ESR1: variants seen among roughly 807,000 people sequenced by gnomAD.
ESR1 encodes estrogen receptor.
In ESR1, 12 loss-of-function variants were observed where a neutral mutation model predicts 52.7. The observed-to-expected ratio is 0.23, with a 90% CI of 0.15 to 0.37. ESR1 has a LOEUF of 0.37. ESR1 is among the 10% of genes least tolerant of loss of function. ESR1 has a pLI of 1.00. For missense variants in ESR1, 584 were observed against 779.7 expected, an observed-to-expected ratio of 0.75 and a Z score of 2.99; for synonymous variants, 305 against 316.8, an observed-to-expected ratio of 0.96 and a Z score of 0.39.
intron 1 of ESR1, among the ~76,000 whole-genome samples, chr6:151,815,594 T>A (rs1779492472): frequency 6.6e-6 from 1 of 152,198 alleles, no homozygotes; most frequent in Admixed American, 6.5e-5. Context: ...AGTTTGTGAA[T>A]CTCTCTTTCT....
intron 6 of ESR1, among the ~76,000 whole-genome samples, chr6:152,067,690 G>A (rs1195907400): frequency 6.6e-6 from 1 of 152,132 alleles, no homozygotes; most frequent in Non-Finnish European, 1.5e-5. Context: ...AGCTGGGCAC[G>A]GTGGCGGGCA....
chr6:152,125,087 A>C (rs960618467), intron 6 of ESR1, among the ~76,000 whole-genome samples: 3 of 152,226 alleles, frequency 2.0e-5, no homozygotes, highest in Non-Finnish European at 4.4e-5. Context: ...TAACTACCAG[A>C]ACCTGGAGAC....
At chr6:152,018,767 C>G (rs1424025896) in intron 5 of ESR1, among the ~76,000 whole-genome samples, 1 of 151,868 alleles carries the variant, frequency 6.6e-6, no homozygotes, top group Non-Finnish European at 1.5e-5. Flanking sequence ...CCTCTTGTCT[C>G]CATTCATACC....
chr6:152,036,726 G>T (rs988270707), intron 5 of ESR1, among the ~76,000 whole-genome samples: 15 of 152,160 alleles, frequency 9.9e-5, no homozygotes, highest in African/African-American at 3.6e-4. Context: ...AATAGAGGTT[G>T]GTGGAGTTTT....
intron 3 of ESR1, among the ~76,000 whole-genome samples, chr6:151,929,529 A>G (rs1285277341): frequency 6.6e-6 from 1 of 152,214 alleles, no homozygotes; most frequent in African/African-American, 2.4e-5. Flanking sequence ...AACCTAGATG[A>G]CAGGTTAATA....
At position 151,768,131 on chromosome 6, in the gene ESR1, A is replaced by G. The variant is rs571668031; in HGVS notation, c.-70-39712A>G. Among the ~76,000 whole-genome samples, 3 of 152,358 alleles carry G rather than the reference A, an allele frequency of 2.0e-5. No individual in the cohort carries two copies. The East Asian group carries it at 5.8e-4, about 29-fold the overall frequency. ...TTTTAAAGTCTCCAAGTACCTCCAC[A>G]TAGGATACTTATTAATTGCAAAGGG... On this transcript the variant is annotated intron_variant, in intron 2 of 2. Coordinates refer to the ESR1 transcript ENST00000404742.
chr6:151,886,536 A>G (rs1377676673), intron 3 of ESR1, among the ~76,000 whole-genome samples: 1 of 152,232 alleles, frequency 6.6e-6, no homozygotes, highest in Admixed American at 6.5e-5. Context: ...TGAGAAAATA[A>G]CATACTACTA....
intron 1 of ESR1, among the ~76,000 whole-genome samples, chr6:151,817,016 A>T (rs1034345925): frequency 1.3e-5 from 2 of 152,234 alleles, no homozygotes; most frequent in Non-Finnish European, 2.9e-5. Context: ...TAAGCAGCTT[A>T]TGGAGAAGCT....
At chr6:151,956,843 A>AAATAT (rs1554293624) in intron 4 of ESR1, among the ~76,000 whole-genome samples, 2 of 44,466 alleles carry the variant, frequency 4.5e-5, no homozygotes, top group African/African-American at 1.5e-4. Flanking sequence ...AATATAAATA[A>AAATAT]ATATATATAT....
At chr6:152,116,483 A>G (rs971473821) in intron 6 of ESR1, among the ~76,000 whole-genome samples, 1 of 152,366 alleles carries the variant, frequency 6.6e-6, no homozygotes, top group African/African-American at 2.4e-5. Flanking sequence ...TGTTTGCATA[A>G]GAAAATCAAA....
At position 151,842,782 on chromosome 6, in the gene ESR1, T is replaced by G. The variant is rs759101568; in HGVS notation, c.638T>G (p.Ile213Ser). The G allele has an allele frequency of 6.2e-7, 1 of 1,613,744 alleles. No individual in the cohort carries two copies. Among genetic ancestry groups the G allele is most frequent in the Non-Finnish European group, 8.5e-7 (1 of 1,179,730 alleles). ...TGCAAGGCCTTCTTCAAGAGAAGTA[T>G]TCAAGGTAATAGTGTGTTGAAAACG... ...EGCKAFFKRS[I>S]QGHNDYMCPA... The change falls in exon 2 of 8, where the codon ATT (isoleucine) becomes AGT (serine). Residue 213 changes from isoleucine to serine, a missense_variant. By Grantham distance (142) the Ile-to-Ser change is moderately radical. This residue lies in a region of ESR1 where 25 missense variants were observed against 53.0 expected (regional missense o/e 0.47). Transcript: ENST00000206249.
chr6:152,034,290 A>AAAAT (rs10588683), intron 5 of ESR1, among the ~76,000 whole-genome samples: 122 of 150,282 alleles, frequency 8.1e-4, no homozygotes, highest in African/African-American at 1.7e-3. Context: ...AAGTACAATA[A>AAAAT]AAATAAATAA....
intron 6 of ESR1, among the ~76,000 whole-genome samples, chr6:152,115,029 T>TAA (rs932721859): frequency 2.0e-5 from 3 of 152,122 alleles, no homozygotes; most frequent in African/African-American, 2.4e-5. Flanking sequence ...CTCCTTGATG[T>TAA]AATTTAAATA....
chr6:151,808,154 GC>G lies in ESR1; in HGVS notation c.246del (p.Ser84LeufsTer25). Reference sequence around the variant, plus strand: ...TACGGTCAGACCGGCCTCCCCTACGGCCCCGGGTCTGAGGCTGCGGCGTTCG... The same window carrying G: ...TACGGTCAGACCGGCCTCCCCTACGGCCCGGGTCTGAGGCTGCGGCGTTCG... Reference protein sequence around the residue: ...QVYGQTGLPYGPGSEAAAFGS... With the variant: ...QVYGQTGLPYXPGSEAAAFGS... On this transcript the variant is annotated frameshift_variant, in exon 1 of 8. Transcript: ENST00000206249. LOFTEE classifies it high-confidence loss of function. 6.3e-7 allele frequency: 1 copy of G among 1,597,908 alleles called. No homozygotes were observed. Among genetic ancestry groups the G allele is most frequent in the Non-Finnish European group, 8.5e-7 (1 of 1,172,698 alleles).
chr6:151,800,841 G>A (rs1242133327), upstream of ESR1, among the ~76,000 whole-genome samples: 1 of 152,152 alleles, frequency 6.6e-6, no homozygotes, highest in Non-Finnish European at 1.5e-5. Context: ...CATTGAGCAG[G>A]TTGGGAGAAG....
At chr6:151,806,909 C>G (rs1317072460), upstream of ESR1, among the ~76,000 whole-genome samples, 1 of 152,126 alleles carries the variant, frequency 6.6e-6, no homozygotes, top group East Asian at 1.9e-4. Context: ...AAAGGTTTTT[C>G]TGAATCATCC....
chr6:152,087,245 T>C (rs2049800780), intron 6 of ESR1, among the ~76,000 whole-genome samples: 1 of 152,188 alleles, frequency 6.6e-6, no homozygotes, highest in South Asian at 2.1e-4. Flanking sequence ...AGTATTGGCA[T>C]TAGGGAAGAG....
intron 1 of ESR1, among the ~76,000 whole-genome samples, chr6:151,823,078 ATT>A (rs1780837679): frequency 6.6e-6 from 1 of 152,214 alleles, no homozygotes. Context: ...AACAAATAAC[ATT>A]TTAGCATGTC....
intron 5 of ESR1, among the ~76,000 whole-genome samples, chr6:152,023,208 A>G (rs1195714208): frequency 2.0e-5 from 3 of 152,106 alleles, no homozygotes; most frequent in African/African-American, 7.2e-5. Flanking sequence ...CAAAAAAGGA[A>G]CTATAAACCA....
Sources: allele counts gnomAD v4.1 joint callset (sites outside exome capture counted in the v4.1 genomes callset), GRCh38; gene constraint gnomAD v4.1.1; regional missense constraint gnomAD v4.1.1; transcripts MANE v1.5; gene names NCBI Gene and HGNC (gene_info 2026-07-23, HGNC 2026-07-21).